The following ULK4 variants were observed in gnomAD, a reference collection of about 807,000 sequenced individuals.
ULK4 encodes the protein unc-51 like kinase 4.
Under a neutral mutation model 160.6 loss-of-function variants are expected in ULK4, and 133 were observed. The ratio of observed to expected loss-of-function variants is 0.83; its 90% CI spans 0.72 to 0.96. ULK4 has a LOEUF of 0.96. Among genes scored for constraint, ULK4 ranks in the 40% least tolerant of loss-of-function variants. ULK4 has a pLI of 0.00. For synonymous variants in ULK4, 534 were observed against 539.8 expected (o/e 0.99, Z 0.15); for missense variants, 1,580 against 1,499.5 (o/e 1.05, Z -0.89).
At position 41,721,734 on chromosome 3, in the gene ULK4, T is replaced by C. The variant is rs116791495; in HGVS notation, c.2322-3873A>G. On this transcript the variant is annotated intron_variant, in intron 22 of 36. Transcript: ENST00000301831. Reference sequence around the variant, plus strand: ...TTTTAAAAACATTTTCTAGGAGATATAATGCTCAATTTCCCAGGATACCCT... The same window carrying C: ...TTTTAAAAACATTTTCTAGGAGATACAATGCTCAATTTCCCAGGATACCCT... Among the ~76,000 whole-genome samples the C allele has an allele frequency of 7.7e-3, 1,169 of 152,010 alleles. 11 individuals carry two copies. Among genetic ancestry groups the C allele is most frequent in the African/African-American group, 0.027 (1,129 of 41,332 alleles).
intron 35 of ULK4, among the ~76,000 whole-genome samples, chr3:41,350,759 A>G (rs1475745780): frequency 6.6e-6 from 1 of 152,228 alleles, no homozygotes. Context: ...GAGCAGGAGT[A>G]GCCTTCACAG....
intron 35 of ULK4, among the ~76,000 whole-genome samples, chr3:41,273,049 CTG>C (rs1356549531): frequency 1.3e-5 from 2 of 152,176 alleles, no homozygotes; most frequent in African/African-American, 4.8e-5. Flanking sequence ...CTTTGATAGA[CTG>C]TATTTTTCTG....
chr3:41,416,060 A>T (rs1265671611), intron 34 of ULK4, among the ~76,000 whole-genome samples: 1 of 152,246 alleles, frequency 6.6e-6, no homozygotes, highest in Non-Finnish European at 1.5e-5. Flanking sequence ...AATCACACTG[A>T]GAAGTCACAC....
chr3:41,867,721 CAG>C (rs1162376238), intron 17 of ULK4, among the ~76,000 whole-genome samples: 2 of 152,208 alleles, frequency 1.3e-5, no homozygotes, highest in East Asian at 3.8e-4. Flanking sequence ...TTGTGATGCA[CAG>C]AGTCTTCAGA....
intron 34 of ULK4, among the ~76,000 whole-genome samples, chr3:41,413,150 T>C (rs1045657852): frequency 3.3e-5 from 5 of 152,074 alleles, no homozygotes; most frequent in African/African-American, 9.7e-5. Context: ...TGAAAGGGGT[T>C]TCCCCTTAAA....
intron 19 of ULK4, among the ~76,000 whole-genome samples, chr3:41,811,241 G>A (rs1029413626): frequency 2.6e-5 from 4 of 151,204 alleles, no homozygotes; most frequent in African/African-American, 7.3e-5. Context: ...CTGTTACCCA[G>A]GCTGGAATGC....
At chr3:41,422,773 A>T (rs949930248) in intron 34 of ULK4, among the ~76,000 whole-genome samples, 2 of 152,200 alleles carry the variant, frequency 1.3e-5, no homozygotes, top group African/African-American at 4.8e-5. Flanking sequence ...TTGAGAAGTT[A>T]TATGGTAACT....
chr3:41,905,901 C>G (rs1182584636), intron 12 of ULK4, among the ~76,000 whole-genome samples: 2 of 152,036 alleles, frequency 1.3e-5, no homozygotes, highest in Non-Finnish European at 2.9e-5. Flanking sequence ...ATGGTGAAAC[C>G]TGTCTCTACT....
chr3:41,777,732 T>A (rs2039679934), intron 21 of ULK4, among the ~76,000 whole-genome samples: 1 of 131,078 alleles, frequency 7.6e-6, no homozygotes, highest in East Asian at 2.0e-4. Flanking sequence ...GTTGAGCGGC[T>A]TTGAGTGAGA....
intron 18 of ULK4, among the ~76,000 whole-genome samples, chr3:41,825,031 G>A (rs947907397): frequency 9.2e-5 from 14 of 152,180 alleles, no homozygotes; most frequent in Admixed American, 2.0e-4. Context: ...TGCAGCCTCC[G>A]CTGCTGATAC....
chr3:41,952,814 G>C (rs938855281), intron 2 of ULK4, among the ~76,000 whole-genome samples: 1 of 152,204 alleles, frequency 6.6e-6, no homozygotes, highest in African/African-American at 2.4e-5. Context: ...AGCAACTTGT[G>C]TCCACTGTTA....
At chr3:41,297,198 A>C (rs2125707899) in intron 35 of ULK4, among the ~76,000 whole-genome samples, 1 of 152,334 alleles carries the variant, frequency 6.6e-6, no homozygotes, top group South Asian at 2.1e-4. Context: ...GTGCATCAGC[A>C]TCATGGAGGT....
chr3:41,736,188 A>G lies in ULK4; in HGVS notation c.2321+18173T>C, dbSNP rs1431975423. ...TGTCTTTATAGCAGCATGATTTATA[A>G]TCCTTTGGGTATATACCCAGTAATG... On this transcript the variant is annotated intron_variant, in intron 22 of 36. Coordinates refer to ENST00000301831, the MANE Select transcript of ULK4 (RefSeq NM_017886.4). 7.2e-5 allele frequency among the ~76,000 whole-genome samples: 11 copies of G among 151,742 alleles called. No homozygotes were observed. In the South Asian group the frequency reaches 1.2e-3, roughly 17 times the overall value.
intron 21 of ULK4, among the ~76,000 whole-genome samples, chr3:41,783,626 A>G (rs2039918451): frequency 6.6e-6 from 1 of 152,040 alleles, no homozygotes; most frequent in African/African-American, 2.4e-5. Context: ...CTCTAGCCAC[A>G]GCCTCCCAAG....
At chr3:41,828,128 A>G (rs531036323) in intron 18 of ULK4, among the ~76,000 whole-genome samples, 1 of 148,934 alleles carries the variant, frequency 6.7e-6, no homozygotes, top group East Asian at 2.0e-4. Flanking sequence ...CTCAAAAATT[A>G]GGTACTGATG....
chr3:41,586,727 T>C (rs1256353), intron 31 of ULK4, among the ~76,000 whole-genome samples: 16,651 of 152,166 alleles, frequency 0.11, 1,202 homozygotes, highest in Admixed American at 0.21. Context: ...GAATGTAGTC[T>C]GTGGGAAGAA....
At chr3:41,805,048 C>T (rs1416549868) in intron 19 of ULK4, among the ~76,000 whole-genome samples, 2 of 152,092 alleles carry the variant, frequency 1.3e-5, no homozygotes, top group African/African-American at 2.4e-5. Flanking sequence ...ATGGGTATGG[C>T]GTTGAATCTA....
At position 41,349,595 on chromosome 3, in the gene ULK4, G is replaced by A. The variant is rs151325703; in HGVS notation, c.3678+48484C>T. Among the ~76,000 whole-genome samples the A allele has an allele frequency of 3.7e-3, 558 of 152,250 alleles. 2 individuals are homozygous for A. The highest frequency in any genetic ancestry group is 0.013 in the African/African-American group (522 of 41,550). ...AGCAGTGGTAGCAGAATTACTACGA[G>A]TAGTCATAATAAAAAACAGTTTCTA... On this transcript the variant is annotated intron_variant, in intron 35 of 36. Transcript: ENST00000301831.
At chr3:41,898,162 C>T (rs950658670) in intron 14 of ULK4, among the ~76,000 whole-genome samples, 1 of 152,156 alleles carries the variant, frequency 6.6e-6, no homozygotes, top group African/African-American at 2.4e-5. Flanking sequence ...AGACCTCCCA[C>T]CCACTCTACA....
Sources: allele counts gnomAD v4.1 joint callset (sites outside exome capture counted in the v4.1 genomes callset), GRCh38; gene constraint gnomAD v4.1.1; transcripts MANE v1.5; gene names NCBI Gene and HGNC (gene_info 2026-07-23, HGNC 2026-07-21).